The following DLG2 variants were observed in gnomAD, a reference collection of about 807,000 sequenced individuals.
DLG2 encodes the protein discs large MAGUK scaffold protein 2, also known as disks large homolog 2.
In DLG2, 45 loss-of-function variants were observed where a neutral mutation model predicts 132.5. That is an observed-to-expected ratio of 0.34 (90% CI 0.27 to 0.44). The LOEUF (loss-of-function observed/expected upper bound fraction) is 0.44, where lower values mean the gene tolerates loss of function less well. DLG2 is among the 20% of genes least tolerant of loss of function. The pLI, the probability that DLG2 is intolerant of heterozygous loss-of-function variation, is 1.00. For synonymous variants in DLG2, 424 were observed against 419.6 expected, an observed-to-expected ratio of 1.01 and a Z score of -0.13; for missense variants, 1,045 against 1,196.9, an observed-to-expected ratio of 0.87 and a Z score of 1.87.
intron 7 of DLG2, among the ~76,000 whole-genome samples, chr11:84,277,745 T>C (rs1458995542): frequency 2.0e-5 from 3 of 151,968 alleles, no homozygotes; most frequent in Non-Finnish European, 4.4e-5. Context: ...GGAAAACCAA[T>C]GAAAATGAAA....
chr11:83,507,967 G>A (rs1385181222), intron 21 of DLG2, among the ~76,000 whole-genome samples: 1 of 151,304 alleles, frequency 6.6e-6, no homozygotes. Flanking sequence ...ATGTAGTCTG[G>A]GAGGTTAGGC....
rs1052903676 is a variant in DLG2 at position 85,219,282 on chromosome 11, T to A, written c.187-64631A>T. Among the ~76,000 whole-genome samples the A allele has an allele frequency of 3.9e-5, 6 of 152,286 alleles. No homozygotes were observed. The South Asian group carries it at 1.2e-3, about 32-fold the overall frequency. ...CTTCATAAAAGCTTTTTCTGACACC[T>A]CTGGTCTCTAGGCTAGATTATATAC... On this transcript the variant is annotated intron_variant, in intron 4 of 27. Transcript: ENST00000376104.
chr11:83,960,743 T>C (rs1316147779), intron 14 of DLG2, among the ~76,000 whole-genome samples: 1 of 151,944 alleles, frequency 6.6e-6, no homozygotes, highest in East Asian at 1.9e-4. Context: ...CAATTAATAT[T>C]TATGAATGAG....
At chr11:84,088,016 C>T (rs1221633869) in intron 10 of DLG2, among the ~76,000 whole-genome samples, 1 of 152,184 alleles carries the variant, frequency 6.6e-6, no homozygotes, top group Non-Finnish European at 1.5e-5. Flanking sequence ...TTTTATTACA[C>T]ATTCCGGATA....
chr11:85,417,373 G>A (rs990897151), intron 3 of DLG2, among the ~76,000 whole-genome samples: 14 of 151,890 alleles, frequency 9.2e-5, no homozygotes, highest in African/African-American at 1.7e-4. Flanking sequence ...TTTTTGCACC[G>A]ATGTTCATCA....
chr11:85,098,627 C>CT (rs2070321195), intron 6 of DLG2, among the ~76,000 whole-genome samples: 1 of 152,156 alleles, frequency 6.6e-6, no homozygotes, highest in Non-Finnish European at 1.5e-5. Context: ...CAAACTGACT[C>CT]TTTCAACAAA....
At chr11:85,620,902 A>G (rs763591837) in intron 2 of DLG2, among the ~76,000 whole-genome samples, 19 of 152,278 alleles carry the variant, frequency 1.2e-4, no homozygotes, top group Non-Finnish European at 2.4e-4. Context: ...GAAAATGGCT[A>G]AACAACAGAT....
chr11:84,578,983 T>A (rs2099509992), intron 6 of DLG2, among the ~76,000 whole-genome samples: 1 of 152,024 alleles, frequency 6.6e-6, no homozygotes, highest in African/African-American at 2.4e-5. Flanking sequence ...ATCTGATGGG[T>A]TTATAAGGGA....
At chr11:83,716,696 T>C (rs1003296595) in intron 18 of DLG2, among the ~76,000 whole-genome samples, 13 of 152,222 alleles carry the variant, frequency 8.5e-5, no homozygotes, top group African/African-American at 2.7e-4. Context: ...CATAATAGAA[T>C]GTTTTGGAAA....
chr11:84,174,498 T>G (rs2095902143), intron 8 of DLG2, among the ~76,000 whole-genome samples: 1 of 152,170 alleles, frequency 6.6e-6, no homozygotes, highest in African/African-American at 2.4e-5. Flanking sequence ...GAACACCTCC[T>G]CCTTTTGGTA....
intron 27 of DLG2, among the ~76,000 whole-genome samples, chr11:83,461,074 T>C (rs1455710879): frequency 6.9e-6 from 1 of 145,626 alleles, no homozygotes; most frequent in East Asian, 2.1e-4. Context: ...AGTAGCACGA[T>C]CTCGGCTCAC....
intron 3 of DLG2, among the ~76,000 whole-genome samples, chr11:85,505,600 G>A (rs1239072302): frequency 6.6e-6 from 1 of 152,178 alleles, no homozygotes; most frequent in Admixed American, 6.6e-5. Context: ...GATTTCTGAT[G>A]TGCTGCTGGA....
At chr11:85,163,239 ACACACT>A (rs1219868846) in intron 4 of DLG2, among the ~76,000 whole-genome samples, 24 of 151,882 alleles carry the variant, frequency 1.6e-4, no homozygotes, top group African/African-American at 5.1e-4. Flanking sequence ...ACACACACAC[ACACACT>A]ATTAGTTCTG....
At chr11:83,530,496 T>C (rs142964252) in intron 21 of DLG2, among the ~76,000 whole-genome samples, 1,919 of 151,788 alleles carry the variant, frequency 0.013, 18 homozygotes, top group Non-Finnish European at 0.019. Context: ...ATTGCTAGGA[T>C]AGAAAGACGA....
chr11:85,622,086 TCCACCA>T (rs1265924669), intron 2 of DLG2, among the ~76,000 whole-genome samples: 1 of 152,208 alleles, frequency 6.6e-6, no homozygotes, highest in Non-Finnish European at 1.5e-5. Flanking sequence ...AGCAAGATCT[TCCACCA>T]GCAAAAAGAT....
chr11:85,394,154 T>C (rs1439001126), intron 3 of DLG2, among the ~76,000 whole-genome samples: 1 of 152,216 alleles, frequency 6.6e-6, no homozygotes, highest in Non-Finnish European at 1.5e-5. Context: ...ATCTTTTTGT[T>C]TAAACATCTA....
At chr11:84,703,192 T>G (rs926586414) in intron 6 of DLG2, among the ~76,000 whole-genome samples, 1 of 151,664 alleles carries the variant, frequency 6.6e-6, no homozygotes, top group Non-Finnish European at 1.5e-5. Flanking sequence ...GTTCCTATGC[T>G]TAGATTAATT....
chr11:83,792,935 C>G (rs575529994), intron 17 of DLG2, among the ~76,000 whole-genome samples: 1 of 152,128 alleles, frequency 6.6e-6, no homozygotes, highest in South Asian at 2.1e-4. Context: ...CTTCCTCACA[C>G]TCTTGTAATA....
At position 85,382,719 on chromosome 11, in the gene DLG2, C is replaced by T. The variant is rs934332327; in HGVS notation, c.41-97354G>A. On this transcript the variant is annotated intron_variant, in intron 3 of 27. Transcript: ENST00000376104. The stretch of plus-strand genomic sequence containing the variant: ...TTTGCCAGAGCAAATATACAAATGG[C>T]CAATAAGCACATGAAAAGATGTTCA... Among the ~76,000 whole-genome samples, 25 of 151,914 alleles carry T rather than the reference C, an allele frequency of 1.6e-4. 1 individual carries two copies. Among genetic ancestry groups the T allele is most frequent in the Non-Finnish European group, 3.2e-4 (22 of 67,938 alleles).
Sources: allele counts gnomAD v4.1 joint callset (sites outside exome capture counted in the v4.1 genomes callset), GRCh38; gene constraint gnomAD v4.1.1; transcripts MANE v1.5; gene names NCBI Gene and HGNC (gene_info 2026-07-23, HGNC 2026-07-21).